Variants in SLC9A2 observed in about 807,000 individuals in gnomAD.
The protein encoded by SLC9A2 is sodium/hydrogen exchanger 2.
A neutral mutation model predicts 71.7 loss-of-function variants in SLC9A2; 42 were observed. The observed-to-expected ratio is 0.59, with a 90% CI of 0.46 to 0.76. SLC9A2 has a LOEUF of 0.76. Among genes scored for constraint, SLC9A2 ranks in the 30% least tolerant of loss-of-function variants. The pLI is 0.00. For missense variants in SLC9A2, 829 were observed against 1,017.4 expected, an observed-to-expected ratio of 0.81 and a Z score of 2.52; for synonymous variants, 396 against 392.5, an observed-to-expected ratio of 1.01 and a Z score of -0.10.
chr2:102,677,739 A>G (rs1347469548), intron 3 of SLC9A2, among the ~76,000 whole-genome samples: 1 of 152,218 alleles, frequency 6.6e-6, no homozygotes, highest in Non-Finnish European at 1.5e-5. Context: ...CTCATGGAGC[A>G]TCCAGTTTGG....
chr2:102,705,873 T>C lies in SLC9A2; in HGVS notation c.2005T>C (p.Ser669Pro), dbSNP rs1281640403. 1 of 1,604,708 alleles carries C rather than the reference T, an allele frequency of 6.2e-7. No homozygotes were observed. Among genetic ancestry groups the C allele is most frequent in the Admixed American group, 1.7e-5 (1 of 58,806 alleles). ...TTCCACTTCAACCTCCCGATATTTA[T>C]CCTTACCTAAAAATACGAAGCTTCC... ...RASTSTSRYL[S>P]LPKNTKLPEK... Residue 669 changes from serine (S) to proline (P), a missense_variant, in exon 11 of 12, where the codon TCC (serine) becomes CCC (proline). By Grantham distance (74) the Ser-to-Pro change is moderately conservative. This residue lies in a region of SLC9A2 where 223 missense variants were observed against 197.5 expected (regional missense o/e 1.13). Coordinates refer to ENST00000233969, the MANE Select transcript of SLC9A2 (RefSeq NM_003048.6).
intron 1 of SLC9A2, among the ~76,000 whole-genome samples, chr2:102,634,639 A>G (rs1401934248): frequency 6.6e-6 from 1 of 152,198 alleles, no homozygotes; most frequent in Non-Finnish European, 1.5e-5. Context: ...CATTGCTGTT[A>G]TGAATAAATA....
chr2:102,635,888 CT>C (rs35453859), intron 1 of SLC9A2, among the ~76,000 whole-genome samples: 68,107 of 144,906 alleles, frequency 0.47, 15,692 homozygotes, highest in East Asian at 0.68. Flanking sequence ...ATAATTTTTT[CT>C]TTTTTTTTTT....
chr2:102,659,342 G>A (rs1677008501), intron 2 of SLC9A2, among the ~76,000 whole-genome samples: 1 of 151,890 alleles, frequency 6.6e-6, no homozygotes, highest in Non-Finnish European at 1.5e-5. Flanking sequence ...TTGGGAGGCT[G>A]AAGTGAGAGG....
intron 2 of SLC9A2, among the ~76,000 whole-genome samples, chr2:102,660,262 G>T (rs568733545): frequency 1.2e-4 from 19 of 152,310 alleles, no homozygotes; most frequent in Admixed American, 1.2e-3. Flanking sequence ...CAGAAGAAGG[G>T]CACAGACAGA....
Position 102,665,088 on chromosome 2 carries a change from T to G in SLC9A2, c.754-12T>G. The G allele has an allele frequency of 3.1e-6, 5 of 1,601,612 alleles. No individual in the cohort carries two copies. The highest frequency in any genetic ancestry group is 4.3e-6 in the Non-Finnish European group (5 of 1,175,482). ...AAAGGGTCTTGACAAGGTGTTTTTT[T>G]TTTTCCTGCAGGTCCTGTACAACTT... On this transcript the variant is annotated splice_polypyrimidine_tract_variant and intron_variant, in intron 2 of 11. Transcript: ENST00000233969.
intron 3 of SLC9A2, among the ~76,000 whole-genome samples, chr2:102,678,319 A>G (rs1016022469): frequency 3.2e-5 from 4 of 124,674 alleles, no homozygotes; most frequent in African/African-American, 1.3e-4. Flanking sequence ...TTAACTAGGT[A>G]TGGAAAATTA....
chr2:102,661,170 CTT>C (rs894777051), intron 2 of SLC9A2, among the ~76,000 whole-genome samples: 3 of 152,184 alleles, frequency 2.0e-5, no homozygotes, highest in African/African-American at 7.2e-5. Flanking sequence ...TGCATGAAAA[CTT>C]TCCAAAATTT....
chr2:102,705,686 T>C (rs1194723790), intron 10 of SLC9A2, among the ~76,000 whole-genome samples, 160 bp from the exon 11 acceptor site: 3 of 152,208 alleles, frequency 2.0e-5, no homozygotes, highest in African/African-American at 7.2e-5. Context: ...GATTTAATTA[T>C]TTCAAGTTAT....
In SLC9A2 at chr2:102,632,121, C is replaced by CATATACACACATATATATACACAT. The variant is rs796379133; in HGVS notation, c.289+11989_289+11990insCACACATATATATACACATATATA. On this transcript the variant is annotated intron_variant, in intron 1 of 11. Coordinates refer to ENST00000233969, the MANE Select transcript of SLC9A2 (RefSeq NM_003048.6). ...ATATATACATATATATGTATATATA[C>CATATACACACATATATATACACAT]ATATATACATATATATGTATATATA... 4.8e-4 allele frequency among the ~76,000 whole-genome samples: 46 copies of CATATACACACATATATATACACAT among 95,050 alleles called. 1 individual carries two copies. The highest frequency in any genetic ancestry group is 1.1e-3 in the East Asian group (4 of 3,522). 62.4% of individuals were successfully genotyped at this position (95,050 alleles called of 152,430 possible).
intron 1 of SLC9A2, among the ~76,000 whole-genome samples, chr2:102,637,148 G>C (rs759106356): frequency 6.6e-6 from 1 of 152,188 alleles, no homozygotes; most frequent in South Asian, 2.1e-4. Flanking sequence ...CTAACAGACT[G>C]AGAGCAAGCT....
intron 3 of SLC9A2, among the ~76,000 whole-genome samples, chr2:102,666,787 C>T (rs1306314596): frequency 6.6e-6 from 1 of 152,094 alleles, no homozygotes; most frequent in Non-Finnish European, 1.5e-5. Context: ...GTGAGAAATA[C>T]TTAGTAATGG....
At chr2:102,623,652 T>C (rs564856503) in intron 1 of SLC9A2, among the ~76,000 whole-genome samples, 1 of 152,218 alleles carries the variant, frequency 6.6e-6, no homozygotes, top group Non-Finnish European at 1.5e-5. Flanking sequence ...GAAGAGGAAT[T>C]GAGCTGTGCA....
chr2:102,641,977 A>G (rs147132973), intron 1 of SLC9A2, among the ~76,000 whole-genome samples: 1,823 of 151,912 alleles, frequency 0.012, 34 homozygotes, highest in African/African-American at 0.042. Flanking sequence ...CAGCAAACCA[A>G]CATGGCACAT....
chr2:102,635,972 C>T (rs924744136), intron 1 of SLC9A2, among the ~76,000 whole-genome samples: 4 of 151,834 alleles, frequency 2.6e-5, no homozygotes, highest in African/African-American at 9.7e-5. Flanking sequence ...GGAGCTGTTA[C>T]TGTTCCTAAA....
At chr2:102,665,437 T>G in intron 3 of SLC9A2, 87 bp downstream of exon 3, 1 of 1,313,978 alleles carries the variant, frequency 7.6e-7, no homozygotes, top group Non-Finnish European at 1.1e-6. Flanking sequence ...TTGAATAAGT[T>G]ATATGAAACA....
intron 3 of SLC9A2, among the ~76,000 whole-genome samples, chr2:102,678,366 A>G (rs540260606): frequency 3.0e-4 from 45 of 151,680 alleles, no homozygotes; most frequent in Non-Finnish European, 3.4e-4. Context: ...ATGCATGAAA[A>G]GGGGGGGGAA....
rs760233877 is a variant in SLC9A2, at chr2:102,684,198, G to A, written c.1287G>A (p.Gln429=). The A allele has an allele frequency of 3.7e-6, 6 of 1,614,144 alleles. No homozygotes were observed. The South Asian group carries it at 6.6e-5, about 18-fold the overall frequency. The change falls in exon 5 of 12, where the codon CAG becomes CAA. Residue 429 remains glutamine, a synonymous_variant. Transcript: ENST00000233969. The stretch of plus-strand genomic sequence containing the variant: ...CCATTCCCCTGACCTTTAAGGACCA[G>A]TTCATCATTGCCTATGGAGGACTTC... The part of the protein sequence containing the change: ...FRTIPLTFKD[Q]FIIAYGGLRG...
At chr2:102,695,368 C>A (rs573428775) in intron 7 of SLC9A2, among the ~76,000 whole-genome samples, 1 of 152,122 alleles carries the variant, frequency 6.6e-6, no homozygotes, top group African/African-American at 2.4e-5. Context: ...CTCCAAGACT[C>A]CCCCAGGGTC....
Sources: gnomAD v4.1 joint callset for allele counts (sites outside exome capture counted in the v4.1 genomes callset) on GRCh38, gnomAD v4.1.1 for gene constraint, gnomAD v4.1.1 regional missense constraint, MANE v1.5 for transcripts, NCBI Gene and HGNC (gene_info 2026-07-23, HGNC 2026-07-21) for gene names.